SEPTIN11: variants seen among roughly 807,000 people sequenced by gnomAD.
The protein encoded by SEPTIN11 is septin-11.
In SEPTIN11, 25 loss-of-function variants were observed where a neutral mutation model predicts 51.4. That is an observed-to-expected ratio of 0.49 (90% CI 0.35 to 0.68). The LOEUF (loss-of-function observed/expected upper bound fraction) is 0.68. Among genes scored for constraint, SEPTIN11 ranks in the 30% least tolerant of loss-of-function variants. The probability of loss-of-function intolerance (pLI) is 0.00; values close to 1 mark genes in which losing one functional copy is unlikely to be tolerated. For missense variants in SEPTIN11, 381 were observed against 520.8 expected (o/e 0.73, Z 2.61); for synonymous variants, 174 against 184.1 (o/e 0.95, Z 0.44).
intron 2 of SEPTIN11, among the ~76,000 whole-genome samples, chr4:77,003,979 A>T (rs1040670539): frequency 6.6e-6 from 1 of 152,218 alleles, no homozygotes; most frequent in African/African-American, 2.4e-5. Context: ...CCAGATTAAG[A>T]AAGAAAAAAG....
At chr4:76,977,084 G>A (rs2109909751) in intron 1 of SEPTIN11, among the ~76,000 whole-genome samples, 1 of 152,220 alleles carries the variant, frequency 6.6e-6, no homozygotes, top group African/African-American at 2.4e-5. Context: ...AAGCATTTTT[G>A]GTGGGAGAGA....
chr4:77,003,992 A>G (rs1235751323), intron 2 of SEPTIN11, among the ~76,000 whole-genome samples: 1 of 152,190 alleles, frequency 6.6e-6, no homozygotes, highest in African/African-American at 2.4e-5. Flanking sequence ...GAAAAAAGGT[A>G]TCCCTAGGGC....
At chr4:77,040,014 T>C (rs1020683560), downstream of SEPTIN11, 1 of 152,798 alleles carries the variant, frequency 6.5e-6, no homozygotes, top group Non-Finnish European at 1.5e-5. Flanking sequence ...TTTCCTTGTT[T>C]TGGAAACAAC....
chr4:76,966,457 G>A (rs1722037541), intron 1 of SEPTIN11, among the ~76,000 whole-genome samples: 1 of 151,528 alleles, frequency 6.6e-6, no homozygotes, highest in Non-Finnish European at 1.5e-5. Context: ...CACAAGATGA[G>A]TATAGCTGAC....
At chr4:77,016,633 C>CATATATATATATATATGTATAT in intron 5 of SEPTIN11, among the ~76,000 whole-genome samples, 1 of 72,748 alleles carries the variant, frequency 1.4e-5, no homozygotes, top group East Asian at 4.1e-4. Flanking sequence ...TATATATACA[C>CATATATATATATATATGTATAT]ATATATATAT....
chr4:77,006,498 T>C (rs1330183398), intron 3 of SEPTIN11, among the ~76,000 whole-genome samples: 2 of 152,196 alleles, frequency 1.3e-5, no homozygotes, highest in Non-Finnish European at 2.9e-5. Context: ...AGATGTCTTA[T>C]GACTATTTTA....
intron 5 of SEPTIN11, among the ~76,000 whole-genome samples, chr4:77,018,801 A>AT (rs1369013738): frequency 6.6e-6 from 1 of 152,364 alleles, no homozygotes; most frequent in Admixed American, 6.5e-5. Context: ...CGTTGCTTCC[A>AT]TTTTAAATTT....
intron 7 of SEPTIN11, chr4:77,021,692 C>G (rs914411769): frequency 1.3e-5 from 2 of 152,424 alleles, no homozygotes; most frequent in Admixed American, 6.5e-5. Flanking sequence ...TCTTTCTCCT[C>G]TTTGGCCTAC....
At chr4:77,014,145 C>T (rs2109959508) in intron 4 of SEPTIN11, among the ~76,000 whole-genome samples, 1 of 152,218 alleles carries the variant, frequency 6.6e-6, no homozygotes, top group South Asian at 2.1e-4. Flanking sequence ...GCCTTTGGCG[C>T]TCGATTTTAT....
At chr4:76,996,679 C>G (rs945409300) in intron 2 of SEPTIN11, 140 bp downstream of exon 2, 2 of 629,114 alleles carry the variant, frequency 3.2e-6, no homozygotes, top group African/African-American at 3.7e-5. Flanking sequence ...AAAATATCTG[C>G]CTTATACATG....
intron 1 of SEPTIN11, among the ~76,000 whole-genome samples, chr4:76,970,093 T>C (rs1340472167): frequency 6.6e-6 from 1 of 152,218 alleles, no homozygotes; most frequent in Admixed American, 6.5e-5. Flanking sequence ...TCCATTAGGC[T>C]ACCTGCTGGG....
chr4:76,982,222 T>C (rs1722807255), intron 1 of SEPTIN11, among the ~76,000 whole-genome samples: 1 of 152,080 alleles, frequency 6.6e-6, no homozygotes, highest in Non-Finnish European at 1.5e-5. Context: ...CTTTTTTTTT[T>C]TTTTGATTGA....
intron 5 of SEPTIN11, among the ~76,000 whole-genome samples, chr4:77,015,398 C>T (rs1427365780): frequency 6.6e-6 from 1 of 152,186 alleles, no homozygotes; most frequent in Non-Finnish European, 1.5e-5. Flanking sequence ...TGATTGGATC[C>T]TGCCCTTCCC....
chr4:77,019,955 T>C (rs1725580823), intron 6 of SEPTIN11, among the ~76,000 whole-genome samples: 1 of 152,196 alleles, frequency 6.6e-6, no homozygotes, highest in Admixed American at 6.5e-5. Context: ...CTGGGAAAAA[T>C]ACAATTTTTC....
chr4:76,996,426 A>C lies in SEPTIN11; in HGVS notation c.29A>C (p.Asn10Thr). 1 of 1,612,974 alleles carries C rather than the reference A, an allele frequency of 6.2e-7. No homozygotes were observed. Among genetic ancestry groups the C allele is most frequent in the Non-Finnish European group, 8.5e-7 (1 of 1,178,902 alleles). ...AATCTTTCTCCCCTGAAATTGCAGA[A>C]TGAAGAGCTTCGAAACTTGTCTTTG... The part of the protein sequence containing the change: MAVAVGRPS[N>T]EELRNLSLSG... The change falls in exon 2 of 10, where the codon AAT becomes ACT. Residue 10 changes from asparagine (N) to threonine (T), a missense_variant and splice_region_variant. Coordinates refer to ENST00000264893, the MANE Select transcript of SEPTIN11 (RefSeq NM_018243.4).
At chr4:77,031,445 A>T (rs76232119) in intron 9 of SEPTIN11, 6,923 of 152,934 alleles carry the variant, frequency 0.045, 241 homozygotes, top group East Asian at 0.096. Flanking sequence ...TAGTTTCCTC[A>T]AAATTCAATA....
At chr4:77,039,455 T>G (rs1727244289), downstream of SEPTIN11, 1 of 1,013,354 alleles carries the variant, frequency 9.9e-7, no homozygotes, top group East Asian at 1.0e-4. Flanking sequence ...GAAGACAGCG[T>G]GTACCCTAAC....
chr4:77,005,687 G>A lies in SEPTIN11; in HGVS notation c.229G>A (p.Gly77Ser), dbSNP rs368053703. ...ESDPATHNEP[G>S]VRLKARSYEL... ...TGACCCAGCTACTCACAATGAACCA[G>A]GTGTTCGGTTAAAAGCCAGAAGTTA... The change falls in exon 3 of 10, where the codon GGT becomes AGT. Residue 77 changes from glycine to serine, a missense_variant. Around this residue, in one of 2 missense-constraint regions of SEPTIN11, gnomAD observed 184 missense variants for 207.7 expected, o/e 0.89. Coordinates refer to ENST00000264893, the MANE Select transcript of SEPTIN11 (RefSeq NM_018243.4). 2.5e-5 allele frequency: 40 copies of A among 1,613,998 alleles called. No individual in the cohort carries two copies. Among genetic ancestry groups the A allele is most frequent in the Non-Finnish European group, 3.2e-5 (38 of 1,179,986 alleles).
chr4:76,989,895 C>T (rs1578148738), intron 1 of SEPTIN11, among the ~76,000 whole-genome samples: 1 of 152,078 alleles, frequency 6.6e-6, no homozygotes, highest in East Asian at 1.9e-4. Context: ...TTGTTCCTGC[C>T]GGTTGGTTTG....
Sources: gnomAD v4.1 joint callset for allele counts (sites outside exome capture counted in the v4.1 genomes callset) on GRCh38, gnomAD v4.1.1 for gene constraint, gnomAD v4.1.1 regional missense constraint, MANE v1.5 for transcripts, NCBI Gene and HGNC (gene_info 2026-07-23, HGNC 2026-07-21) for gene names.